Variants in ZNF385D observed in about 807,000 individuals in gnomAD.
The protein encoded by ZNF385D is zinc finger protein 659.
ZNF385D carries 15 observed loss-of-function variants against 35.8 expected under a neutral mutation model. The ratio of observed to expected loss-of-function variants is 0.42; its 90% CI spans 0.28 to 0.64. The LOEUF is 0.64. Among genes scored for constraint, ZNF385D ranks in the 30% least tolerant of loss-of-function variants. The probability of loss-of-function intolerance (pLI) is 0.23; values close to 1 mark genes in which losing one functional copy is unlikely to be tolerated. For missense variants in ZNF385D, 474 were observed against 494.6 expected (o/e 0.96, Z 0.39); for synonymous variants, 212 against 186.8 (o/e 1.13, Z -1.10).
rs1489637725 is a variant in ZNF385D, at chr3:21,421,170, G to GT, written c.*43dup. 2.0e-6 allele frequency: 3 copies of GT among 1,535,790 alleles called. No homozygotes were observed. Among genetic ancestry groups the GT allele is most frequent in the Non-Finnish European group, 2.7e-6 (3 of 1,116,454 alleles). ...TTCTCTTTTGTTTGTTTTGTTTTTT[G>GT]TTTTTTGAAAAATTATTGCAGTACA... On this transcript the variant is annotated 3_prime_UTR_variant, in exon 8 of 8. Coordinates refer to ENST00000281523, the MANE Select transcript of ZNF385D (RefSeq NM_024697.3).
At chr3:21,498,257 C>T (rs999205298) in intron 4 of ZNF385D, among the ~76,000 whole-genome samples, 17 of 151,840 alleles carry the variant, frequency 1.1e-4, no homozygotes, top group Non-Finnish European at 2.4e-4. Flanking sequence ...TCTAAAATGA[C>T]AGAAAAACAC....
chr3:22,096,078 A>G (rs963420620), intron 3 of ZNF385D, among the ~76,000 whole-genome samples: 56 of 152,010 alleles, frequency 3.7e-4, no homozygotes, highest in Admixed American at 3.3e-4. Context: ...AAACTTAGCC[A>G]TGAGATGAAG....
intron 3 of ZNF385D, among the ~76,000 whole-genome samples, chr3:22,038,150 A>G (rs1698452679): frequency 6.6e-6 from 1 of 152,182 alleles, no homozygotes; most frequent in Non-Finnish European, 1.5e-5. Flanking sequence ...GCACCAACCT[A>G]GAGCAAATTG....
intron 2 of ZNF385D, among the ~76,000 whole-genome samples, chr3:22,342,719 C>T (rs993946815): frequency 1.3e-5 from 2 of 152,264 alleles, no homozygotes; most frequent in African/African-American, 4.8e-5. Context: ...CCATGAATTG[C>T]TAGAACACCA....
At chr3:21,804,810 G>C (rs2072562932) in intron 3 of ZNF385D, among the ~76,000 whole-genome samples, 1 of 152,124 alleles carries the variant, frequency 6.6e-6, no homozygotes, top group South Asian at 2.1e-4. Flanking sequence ...ATGAAGGTTA[G>C]TTCAAAGGCT....
intron 4 of ZNF385D, among the ~76,000 whole-genome samples, chr3:21,501,518 T>A (rs1706365518): frequency 6.6e-6 from 1 of 152,244 alleles, no homozygotes. Flanking sequence ...ATGTACTATT[T>A]GCATGTTTTG....
At chr3:22,170,506 A>C (rs1694337138) in intron 2 of ZNF385D, among the ~76,000 whole-genome samples, 1 of 152,208 alleles carries the variant, frequency 6.6e-6, no homozygotes, top group African/African-American at 2.4e-5. Flanking sequence ...TGGTCAGTAC[A>C]TAACGCATGC....
intron 1 of ZNF385D, among the ~76,000 whole-genome samples, chr3:21,694,919 G>A (rs989436836): frequency 2.6e-5 from 4 of 152,180 alleles, no homozygotes; most frequent in African/African-American, 7.2e-5. Flanking sequence ...TGAAAGCAGA[G>A]AGGAAGGGAA....
chr3:21,699,386 T>C (rs1345959082), intron 1 of ZNF385D, among the ~76,000 whole-genome samples: 1 of 152,032 alleles, frequency 6.6e-6, no homozygotes, highest in Non-Finnish European at 1.5e-5. Flanking sequence ...ATACCTAATG[T>C]AGATGACAGG....
chr3:22,173,556 C>T (rs1158613303), intron 2 of ZNF385D, among the ~76,000 whole-genome samples: 1 of 152,130 alleles, frequency 6.6e-6, no homozygotes. Flanking sequence ...CTCTTGAGAA[C>T]TTGTGTGCTC....
intron 2 of ZNF385D, among the ~76,000 whole-genome samples, chr3:22,203,752 G>A (rs1036032710): frequency 6.6e-6 from 1 of 152,112 alleles, no homozygotes; most frequent in Non-Finnish European, 1.5e-5. Context: ...CTCTGCCAGG[G>A]AAAGGAAAGA....
At chr3:22,312,394 T>C (rs930140749) in intron 2 of ZNF385D, among the ~76,000 whole-genome samples, 6 of 152,148 alleles carry the variant, frequency 3.9e-5, no homozygotes, top group African/African-American at 1.4e-4. Flanking sequence ...CTCACTAAGA[T>C]GTAGATATAA....
chr3:21,691,487 C>T (rs950653366), intron 1 of ZNF385D, among the ~76,000 whole-genome samples: 1 of 152,084 alleles, frequency 6.6e-6, no homozygotes, highest in Admixed American at 6.5e-5. Flanking sequence ...TCCCCTCTAC[C>T]CAAAAACGGA....
chr3:22,015,690 T>G (rs1696844533), intron 3 of ZNF385D, among the ~76,000 whole-genome samples: 1 of 152,166 alleles, frequency 6.6e-6, no homozygotes, highest in Non-Finnish European at 1.5e-5. Context: ...GCCATCTGGC[T>G]CCTGGTCTTT....
chr3:21,804,923 G>C (rs1423810450), intron 3 of ZNF385D, among the ~76,000 whole-genome samples: 3 of 152,246 alleles, frequency 2.0e-5, no homozygotes, highest in Middle Eastern at 6.8e-3. Context: ...ATTTAACCAT[G>C]ATCATTATTT....
At chr3:21,518,063 C>T (rs1447478226) in intron 3 of ZNF385D, among the ~76,000 whole-genome samples, 1 of 152,174 alleles carries the variant, frequency 6.6e-6, no homozygotes, top group African/African-American at 2.4e-5. Flanking sequence ...AGTTTAAAAA[C>T]TATTCATCTT....
intron 1 of ZNF385D, among the ~76,000 whole-genome samples, chr3:21,724,477 C>CAAAAAAAAAAAAAAAAAAAAAAA (rs200803155): frequency 3.8e-5 from 2 of 52,016 alleles, no homozygotes; most frequent in African/African-American, 3.2e-4. Flanking sequence ...AATGGAAAGC[C>CAAAAAAAAAAAAAAAAAAAAAAA]AAAAAAAAAA....
chr3:22,073,869 C>A (rs915575822), intron 3 of ZNF385D, among the ~76,000 whole-genome samples: 2 of 151,832 alleles, frequency 1.3e-5, no homozygotes, highest in Non-Finnish European at 2.9e-5. Context: ...TATAAAACAG[C>A]CTTTACGATT....
chr3:21,711,727 T>C (rs1203091789), intron 1 of ZNF385D, among the ~76,000 whole-genome samples: 1 of 152,212 alleles, frequency 6.6e-6, no homozygotes, highest in Non-Finnish European at 1.5e-5. Flanking sequence ...TCCAAAGATA[T>C]TAACAGGAAA....
Sources: gnomAD v4.1 joint callset for allele counts (sites outside exome capture counted in the v4.1 genomes callset) on GRCh38, gnomAD v4.1.1 for gene constraint, MANE v1.5 for transcripts, NCBI Gene and HGNC (gene_info 2026-07-23, HGNC 2026-07-21) for gene names.